The following FGGY variants were observed in gnomAD, a reference collection of about 807,000 sequenced individuals.
FGGY encodes the protein FGGY carbohydrate kinase domain-containing protein.
In FGGY, 72 loss-of-function variants were observed where a neutral mutation model predicts 71.3. The observed-to-expected ratio is 1.01, with a 90% CI of 0.84 to 1.23. The LOEUF (loss-of-function observed/expected upper bound fraction) is 1.23, where lower values mean the gene tolerates loss of function less well. Among genes scored for constraint, FGGY ranks in the 50% most tolerant of loss-of-function variants. FGGY has a pLI of 0.00. For synonymous variants in FGGY, 251 were observed against 250.3 expected (o/e 1.00, Z -0.02); for missense variants, 668 against 682.3 (o/e 0.98, Z 0.23).
intron 14 of FGGY, among the ~76,000 whole-genome samples, chr1:59,708,279 T>C (rs563365410): frequency 6.6e-6 from 1 of 152,240 alleles, no homozygotes; most frequent in South Asian, 2.1e-4. Context: ...TCCTCATCTG[T>C]CAGAACTAAC....
chr1:59,332,744 A>AT (rs1364591808), intron 2 of FGGY, among the ~76,000 whole-genome samples: 10 of 151,982 alleles, frequency 6.6e-5, no homozygotes, highest in Non-Finnish European at 1.3e-4. Flanking sequence ...TGAAGAAAAT[A>AT]TTTTCCTTGC....
chr1:59,360,423 C>T (rs940954288), intron 4 of FGGY, among the ~76,000 whole-genome samples: 3 of 152,150 alleles, frequency 2.0e-5, no homozygotes, highest in African/African-American at 2.4e-5. Context: ...AAGTATTTAT[C>T]GAGCACCTCC....
At chr1:59,674,007 C>A (rs1274170923) in intron 13 of FGGY, 32 bp from the exon 14 acceptor site, 8 of 1,601,480 alleles carry the variant, frequency 5.0e-6, no homozygotes, top group Non-Finnish European at 6.8e-6. Context: ...TGGCTCTGCT[C>A]CCTAACCAAG....
intron 10 of FGGY, among the ~76,000 whole-genome samples, chr1:59,630,312 T>C (rs989374864): frequency 1.3e-5 from 2 of 152,110 alleles, no homozygotes; most frequent in African/African-American, 4.8e-5. Context: ...CTATTACTAC[T>C]AATGATTGTA....
chr1:59,651,103 G>A (rs1301064070), intron 11 of FGGY, among the ~76,000 whole-genome samples: 2 of 151,690 alleles, frequency 1.3e-5, no homozygotes, highest in South Asian at 2.1e-4. Context: ...TGATTGCACT[G>A]TGGTCTGAGA....
In FGGY at chr1:59,645,641, A is replaced by G. The variant is rs372393416; in HGVS notation, c.1221+7266A>G. ...TTTCAAAGAGTCCTTGCCGTCTGGT[A>G]TATATGAGCAGTTTCTATTCACAAA... On this transcript the variant is annotated intron_variant, in intron 11 of 15. Transcript: ENST00000303721. Among the ~76,000 whole-genome samples, 3 of 152,316 alleles carry G rather than the reference A, an allele frequency of 2.0e-5. No homozygotes were observed. The East Asian group carries it at 5.8e-4, about 29-fold the overall frequency.
intron 5 of FGGY, among the ~76,000 whole-genome samples, chr1:59,405,859 GT>G (rs1557822168): frequency 6.6e-6 from 1 of 151,956 alleles, no homozygotes; most frequent in South Asian, 2.1e-4. Flanking sequence ...CTGGTGCTAT[GT>G]TACGATGATC....
At chr1:59,519,063 C>A (rs75326595) in intron 7 of FGGY, among the ~76,000 whole-genome samples, 2,767 of 152,268 alleles carry the variant, frequency 0.018, 43 homozygotes, top group Non-Finnish European at 0.026. Flanking sequence ...TTTATACATA[C>A]TATTATTCTA....
At chr1:59,342,880 T>A (rs535563886) in intron 3 of FGGY, among the ~76,000 whole-genome samples, 1 of 152,304 alleles carries the variant, frequency 6.6e-6, no homozygotes, top group South Asian at 2.1e-4. Flanking sequence ...TTAAGAAAAT[T>A]CAGCATTAGT....
intron 8 of FGGY, among the ~76,000 whole-genome samples, chr1:59,584,567 T>G (rs1393739243): frequency 1.3e-5 from 2 of 150,046 alleles, no homozygotes; most frequent in Admixed American, 6.6e-5. Flanking sequence ...AATATCATAC[T>G]GAATGGGCAA....
chr1:59,485,109 A>G (rs759975803), intron 6 of FGGY, among the ~76,000 whole-genome samples: 1 of 152,196 alleles, frequency 6.6e-6, no homozygotes, highest in African/African-American at 2.4e-5. Context: ...AAAGCTTTGA[A>G]TAAAATAGGA....
At chr1:59,335,997 A>C (rs2153188761) in intron 2 of FGGY, among the ~76,000 whole-genome samples, 1 of 152,160 alleles carries the variant, frequency 6.6e-6, no homozygotes, top group Admixed American at 6.5e-5. Flanking sequence ...AAGATTTTTA[A>C]ATTTTGATGA....
intron 6 of FGGY, among the ~76,000 whole-genome samples, chr1:59,510,517 A>G (rs1161530079): frequency 2.6e-5 from 4 of 152,200 alleles, no homozygotes; most frequent in South Asian, 2.1e-4. Flanking sequence ...GGCATTTGAA[A>G]CAGAATAAGA....
chr1:59,434,738 C>T (rs1050485859), intron 5 of FGGY, among the ~76,000 whole-genome samples: 4 of 152,060 alleles, frequency 2.6e-5, no homozygotes, highest in African/African-American at 9.7e-5. Context: ...TTCTGGGATC[C>T]ATTTTACAAG....
At chr1:59,533,679 G>T (rs912978772) in intron 7 of FGGY, among the ~76,000 whole-genome samples, 4 of 151,950 alleles carry the variant, frequency 2.6e-5, no homozygotes, top group South Asian at 4.2e-4. Flanking sequence ...CCTTAAGTGG[G>T]TCCCTGACCC....
At chr1:59,722,936 A>G (rs2097909622) in intron 14 of FGGY, among the ~76,000 whole-genome samples, 1 of 152,156 alleles carries the variant, frequency 6.6e-6, no homozygotes, top group Non-Finnish European at 1.5e-5. Flanking sequence ...AGCTGGGACT[A>G]CAGGCACCCG....
In FGGY at chr1:59,734,768, C is replaced by T. The variant is rs1363229639; in HGVS notation, c.1513-23163C>T. Reference sequence around the variant, plus strand: ...CTGACTCTGACAGGGACTGCCCTCCCACAGAGAGAGGAAGGCCTCGGGAGC... The same window carrying T: ...CTGACTCTGACAGGGACTGCCCTCCTACAGAGAGAGGAAGGCCTCGGGAGC... On this transcript the variant is annotated intron_variant, in intron 14 of 15. Coordinates refer to ENST00000303721, the MANE Select transcript of FGGY (RefSeq NM_018291.5). 3.9e-5 allele frequency among the ~76,000 whole-genome samples: 6 copies of T among 152,194 alleles called. No individual in the cohort carries two copies. In the East Asian group the frequency reaches 1.2e-3, roughly 29 times the overall value.
intron 7 of FGGY, among the ~76,000 whole-genome samples, chr1:59,541,567 T>A (rs1369235150): frequency 6.6e-6 from 1 of 152,210 alleles, no homozygotes. Flanking sequence ...CTGACTTGGA[T>A]ATATTCCAGG....
chr1:59,736,453 CA>C (rs747832255), intron 14 of FGGY, among the ~76,000 whole-genome samples: 3 of 151,928 alleles, frequency 2.0e-5, no homozygotes, highest in Non-Finnish European at 2.9e-5. Context: ...TGGCTTTGCC[CA>C]AAATCCTGAT....
Sources: gnomAD v4.1 joint callset for allele counts (sites outside exome capture counted in the v4.1 genomes callset) on GRCh38, gnomAD v4.1.1 for gene constraint, MANE v1.5 for transcripts, NCBI Gene and HGNC (gene_info 2026-07-23, HGNC 2026-07-21) for gene names.